LRRC4C: variants seen among roughly 807,000 people sequenced by gnomAD.
LRRC4C encodes the protein leucine rich repeat containing 4C.
A neutral mutation model predicts 33.6 loss-of-function variants in LRRC4C; 5 were observed. That is an observed-to-expected ratio of 0.15 (90% confidence interval 0.08 to 0.31). The LOEUF (loss-of-function observed/expected upper bound fraction) is 0.31. LRRC4C is among the 10% of genes least tolerant of loss of function. The pLI is 1.00. For missense variants in LRRC4C, 560 were observed against 796.7 expected, an observed-to-expected ratio of 0.70 and a Z score of 3.58; for synonymous variants, 329 against 302.0, an observed-to-expected ratio of 1.09 and a Z score of -0.93.
At chr11:40,705,185 A>T (rs1946088442) in intron 2 of LRRC4C, among the ~76,000 whole-genome samples, 1 of 152,014 alleles carries the variant, frequency 6.6e-6, no homozygotes, top group Non-Finnish European at 1.5e-5. Context: ...TTCAGTTTCA[A>T]ACTCAGATTT....
intron 5 of LRRC4C, among the ~76,000 whole-genome samples, chr11:40,225,711 G>A (rs1864743971): frequency 6.6e-6 from 1 of 151,586 alleles, no homozygotes; most frequent in South Asian, 2.1e-4. Context: ...CCGCCTCCCG[G>A]GTTCAAGCAA....
chr11:40,128,421 T>A (rs1416420373), intron 6 of LRRC4C, among the ~76,000 whole-genome samples: 1 of 152,254 alleles, frequency 6.6e-6, no homozygotes, highest in East Asian at 1.9e-4. Flanking sequence ...GATTATATGT[T>A]ATCTTCATTT....
At chr11:41,267,702 C>T (rs912889509) in intron 1 of LRRC4C, among the ~76,000 whole-genome samples, 6 of 152,052 alleles carry the variant, frequency 3.9e-5, no homozygotes, top group African/African-American at 1.2e-4. Flanking sequence ...GAAAAGGAAG[C>T]TTAGATTTCC....
rs919298484 is a variant in LRRC4C at position 40,492,916 on chromosome 11, A to G, written c.-270+155226T>C. 3.3e-5 allele frequency among the ~76,000 whole-genome samples: 5 copies of G among 152,210 alleles called. No homozygotes were observed. In the East Asian group the frequency reaches 5.8e-4, roughly 18 times the overall value. On this transcript the variant is annotated intron_variant, in intron 3 of 6. Transcript: ENST00000528697. ...ATTGGAGGATTTCTCTTTCTGCTAC[A>G]TTGCTAGAATTTTATACTATCACCT...
At chr11:40,299,180 C>A (rs1944654465) in intron 4 of LRRC4C, among the ~76,000 whole-genome samples, 2 of 152,280 alleles carry the variant, frequency 1.3e-5, no homozygotes, top group South Asian at 4.1e-4. Context: ...TCTAATCAGT[C>A]ACTTATTTAA....
At position 41,264,199 on chromosome 11, in the gene LRRC4C, C is replaced by G. The variant is rs554107928; in HGVS notation, c.-496+195232G>C. On this transcript the variant is annotated intron_variant, in intron 1 of 6. Transcript: ENST00000528697. ...CTCCGCCTCCTGGGTTCAGGCAATG[C>G]TCCTGCCTTAGCCTTCTGAGTAGCT... is the stretch of plus-strand genomic sequence containing the variant. Among the ~76,000 whole-genome samples, 323 of 151,464 alleles carry G rather than the reference C, an allele frequency of 2.1e-3. 2 individuals carry two copies. Among genetic ancestry groups the G allele is most frequent in the African/African-American group, 7.5e-3 (308 of 41,260 alleles).
At chr11:40,776,353 T>A (rs1459201330) in intron 2 of LRRC4C, among the ~76,000 whole-genome samples, 3 of 152,010 alleles carry the variant, frequency 2.0e-5, no homozygotes, top group Non-Finnish European at 4.4e-5. Flanking sequence ...TGTGAATCCA[T>A]CTGGTCTAGG....
chr11:41,274,798 C>T (rs534710723), intron 1 of LRRC4C, among the ~76,000 whole-genome samples: 22 of 152,212 alleles, frequency 1.4e-4, no homozygotes, highest in African/African-American at 4.8e-4. Flanking sequence ...CTGTAACAGT[C>T]ACTGCGAAGG....
chr11:41,022,475 G>T (rs977703285), intron 1 of LRRC4C, among the ~76,000 whole-genome samples: 3 of 151,806 alleles, frequency 2.0e-5, no homozygotes, highest in African/African-American at 7.3e-5. Context: ...CTACAGAAAG[G>T]TCCATGATGG....
rs190084498 is a variant in LRRC4C at position 40,731,682 on chromosome 11, A to G, written c.-406-83404T>C. Among the ~76,000 whole-genome samples, 5 of 151,884 alleles carry G rather than the reference A, an allele frequency of 3.3e-5. No homozygotes were observed. In the East Asian group the frequency reaches 9.6e-4, roughly 29 times the overall value. The stretch of plus-strand genomic sequence containing the variant: ...AATATATTGGTTCAAATTGAATACA[A>G]ACAACAAAATCTCTGCCACTATAAT... On this transcript the variant is annotated intron_variant, in intron 2 of 6. Transcript: ENST00000528697.
chr11:40,174,412 A>G (rs184806589), intron 5 of LRRC4C, among the ~76,000 whole-genome samples: 144 of 152,316 alleles, frequency 9.5e-4, no homozygotes, highest in African/African-American at 3.3e-3. Flanking sequence ...ATCAATCCCT[A>G]TATAACTGAT....
At chr11:40,590,241 C>T (rs992256575) in intron 3 of LRRC4C, among the ~76,000 whole-genome samples, 4 of 151,808 alleles carry the variant, frequency 2.6e-5, no homozygotes, top group African/African-American at 9.7e-5. Context: ...TCTTCCATTG[C>T]TGATACCCTT....
At chr11:41,020,788 T>A (rs904659582) in intron 1 of LRRC4C, among the ~76,000 whole-genome samples, 1 of 152,214 alleles carries the variant, frequency 6.6e-6, no homozygotes, top group East Asian at 1.9e-4. Flanking sequence ...CTTCTTTTAG[T>A]TGGGACTTCC....
At chr11:41,388,626 T>G (rs1015838175) in intron 1 of LRRC4C, among the ~76,000 whole-genome samples, 2 of 151,584 alleles carry the variant, frequency 1.3e-5, no homozygotes, top group Admixed American at 1.3e-4. Context: ...AGGAAGGCAT[T>G]TGGTAAACTA....
chr11:40,652,537 C>A (rs1486243273), intron 2 of LRRC4C, among the ~76,000 whole-genome samples: 1 of 152,100 alleles, frequency 6.6e-6, no homozygotes, highest in East Asian at 1.9e-4. Context: ...TGTAACAGCA[C>A]TAAAGAATAG....
At chr11:41,385,546 T>A (rs1467246574) in intron 1 of LRRC4C, among the ~76,000 whole-genome samples, 2 of 151,674 alleles carry the variant, frequency 1.3e-5, no homozygotes, top group Non-Finnish European at 3.0e-5. Flanking sequence ...CAAACAATAG[T>A]AATTTGATTA....
At chr11:41,100,576 TAATAATAATAATAAC>T (rs1359219564) in intron 1 of LRRC4C, among the ~76,000 whole-genome samples, 3 of 151,610 alleles carry the variant, frequency 2.0e-5, no homozygotes, top group African/African-American at 7.3e-5. Flanking sequence ...CTCAAAATAA[TAATAATAATAATAAC>T]AATAATAATA....
chr11:41,259,397 T>G (rs561483312), intron 1 of LRRC4C, among the ~76,000 whole-genome samples: 1 of 152,168 alleles, frequency 6.6e-6, no homozygotes, highest in South Asian at 2.1e-4. Context: ...CCCTATAGAT[T>G]TTGGAAATGT....
At chr11:40,891,943 G>A (rs943293488) in intron 2 of LRRC4C, among the ~76,000 whole-genome samples, 1 of 151,910 alleles carries the variant, frequency 6.6e-6, no homozygotes, top group Non-Finnish European at 1.5e-5. Context: ...AGACCATCCT[G>A]GCTAACATGG....
Sources: allele counts gnomAD v4.1 joint callset (sites outside exome capture counted in the v4.1 genomes callset), GRCh38; gene constraint gnomAD v4.1.1; transcripts MANE v1.5; gene names NCBI Gene and HGNC (gene_info 2026-07-23, HGNC 2026-07-21).